RANBP2: variants seen among roughly 807,000 people sequenced by gnomAD.
RANBP2 encodes E3 SUMO-protein ligase RanBP2.
RANBP2 carries 57 observed loss-of-function variants against 303.6 expected under a neutral mutation model. That is an observed-to-expected ratio of 0.19 (90% CI 0.15 to 0.23). The LOEUF is 0.23. Among genes scored for constraint, RANBP2 ranks in the 10% least tolerant of loss-of-function variants. RANBP2 has a pLI of 1.00. For synonymous variants in RANBP2, 1,167 were observed against 1,301.5 expected (o/e 0.90, Z 2.23); for missense variants, 3,138 against 3,780.8 (o/e 0.83, Z 4.46).
rs181272858 is a variant in RANBP2, at chr2:108,784,282, A to T, written c.*381A>T. On this transcript the variant is annotated 3_prime_UTR_variant, in exon 29 of 29. Coordinates refer to ENST00000283195, the MANE Select transcript of RANBP2 (RefSeq NM_006267.5). ...ATATACTTACCATTTGAATAAAGGG[A>T]CCACAACTTGGATAATTTAATTTTA... The T allele has an allele frequency of 1.9e-4, 35 of 180,402 alleles. No homozygotes were observed. The East Asian group carries it at 4.4e-3, about 22-fold the overall frequency. The allele number at this position is 180,402 out of a possible 1,614,324, so 11.2% of individuals were successfully genotyped here.
At chr2:108,913,100 C>G in the RANBP2 span, among the ~76,000 whole-genome samples, 5 of 152,094 alleles carry the variant, frequency 3.3e-5, no homozygotes, top group South Asian at 8.3e-4. Flanking sequence ...AGGCACCCAC[C>G]ACCACACCTG....
chr2:109,042,555 C>A, the RANBP2 span, among the ~76,000 whole-genome samples: 1 of 152,296 alleles, frequency 6.6e-6, no homozygotes, highest in South Asian at 2.1e-4. Flanking sequence ...CCATCCTTTT[C>A]ATTTTAGCCA....
At chr2:108,869,189 T>C in the RANBP2 span, among the ~76,000 whole-genome samples, 12 of 152,100 alleles carry the variant, frequency 7.9e-5, no homozygotes, top group African/African-American at 2.9e-4. Flanking sequence ...AAAATAACTT[T>C]GTAGGAACTA....
the RANBP2 span, among the ~76,000 whole-genome samples, chr2:109,420,872 T>C: frequency 6.6e-6 from 1 of 152,232 alleles, no homozygotes; most frequent in African/African-American, 2.4e-5. Flanking sequence ...CACCAGCCTT[T>C]CTTAAGTGGT....
chr2:109,392,697 A>C, the RANBP2 span, among the ~76,000 whole-genome samples: 7 of 150,782 alleles, frequency 4.6e-5, no homozygotes, highest in Admixed American at 1.3e-4. Flanking sequence ...TTTTTTTTTC[A>C]GTAGAGATGG....
chr2:109,242,804 G>T, the RANBP2 span, among the ~76,000 whole-genome samples: 1 of 152,132 alleles, frequency 6.6e-6, no homozygotes, highest in Non-Finnish European at 1.5e-5. Flanking sequence ...TGGAGAGGAT[G>T]GGGACCCTCA....
the RANBP2 span, chr2:108,923,228 C>A: frequency 1.2e-6 from 1 of 831,042 alleles, no homozygotes; most frequent in South Asian, 1.4e-5. Context: ...CCTGGACAGG[C>A]CACAGGAGCA....
chr2:109,436,070 C>G, the RANBP2 span, among the ~76,000 whole-genome samples: 2,302 of 152,228 alleles, frequency 0.015, 63 homozygotes, highest in African/African-American at 0.053. Flanking sequence ...GGACCAGGCA[C>G]AGGAGACGGG....
the RANBP2 span, among the ~76,000 whole-genome samples, chr2:109,715,845 G>A: frequency 4.9e-3 from 739 of 152,282 alleles, 5 homozygotes; most frequent in Non-Finnish European, 8.6e-3. Flanking sequence ...AAACAGGGAG[G>A]AAGATGAAAT....
At chr2:109,096,445 G>A in the RANBP2 span, among the ~76,000 whole-genome samples, 1 of 152,198 alleles carries the variant, frequency 6.6e-6, no homozygotes, top group African/African-American at 2.4e-5. Flanking sequence ...GTCTTTGACT[G>A]TGGCTGCCCT....
the RANBP2 span, among the ~76,000 whole-genome samples, chr2:109,579,240 C>A: frequency 2.6e-5 from 4 of 152,068 alleles, no homozygotes; most frequent in Non-Finnish European, 5.9e-5. Context: ...AAAGTAAAAC[C>A]AACTCTGAAT....
At chr2:109,737,620 G>A in the RANBP2 span, 1 of 277,376 alleles carries the variant, frequency 3.6e-6, no homozygotes, top group African/African-American at 2.3e-5. Context: ...TCATATGGTA[G>A]TTTAATTTTT....
At chr2:109,076,451 A>G in the RANBP2 span, among the ~76,000 whole-genome samples, 1 of 116,992 alleles carries the variant, frequency 8.5e-6, no homozygotes, top group South Asian at 2.3e-4. Flanking sequence ...AAAATATCCA[A>G]CTTAAACAAG....
At chr2:109,413,357 G>C in the RANBP2 span, among the ~76,000 whole-genome samples, 4 of 152,122 alleles carry the variant, frequency 2.6e-5, no homozygotes, top group African/African-American at 7.2e-5. Flanking sequence ...CAGGTGATCT[G>C]CTTGCCTTGG....
chr2:108,875,389 G>T, the RANBP2 span, among the ~76,000 whole-genome samples: 5 of 150,948 alleles, frequency 3.3e-5, no homozygotes, highest in Admixed American at 3.3e-4. Context: ...ATTAGAAAGA[G>T]GATGGTTGAA....
chr2:109,477,038 C>A, the RANBP2 span, among the ~76,000 whole-genome samples: 1 of 152,192 alleles, frequency 6.6e-6, no homozygotes, highest in East Asian at 1.9e-4. Context: ...CTTGTGCTGA[C>A]CTTCTGTGAC....
the RANBP2 span, among the ~76,000 whole-genome samples, chr2:109,560,223 A>C: frequency 6.6e-6 from 1 of 152,144 alleles, no homozygotes; most frequent in African/African-American, 2.4e-5. Context: ...CCTGGCCCCA[A>C]CCACTGCCTT....
the RANBP2 span, among the ~76,000 whole-genome samples, chr2:108,926,393 G>A: frequency 0.034 from 5,159 of 152,274 alleles, 275 homozygotes; most frequent in African/African-American, 0.11. Context: ...GTTGTTTAAG[G>A]ACTGACTTTC....
chr2:109,293,932 C>T, the RANBP2 span, among the ~76,000 whole-genome samples: 43 of 152,316 alleles, frequency 2.8e-4, no homozygotes, highest in East Asian at 7.5e-3. Context: ...CAATGGCCGG[C>T]GCCCTCCTCT....
Sources: allele counts gnomAD v4.1 joint callset (sites outside exome capture counted in the v4.1 genomes callset), GRCh38; gene constraint gnomAD v4.1.1; transcripts MANE v1.5; gene names NCBI Gene and HGNC (gene_info 2026-07-23, HGNC 2026-07-21).